Variants in BCAS4 observed in about 807,000 individuals in gnomAD.
BCAS4 encodes the protein breast carcinoma amplified sequence 4.
BCAS4 carries 9 observed loss-of-function variants against 15.7 expected under a neutral mutation model. The ratio of observed to expected loss-of-function variants is 0.57; its 90% CI spans 0.34 to 1.00. The LOEUF (loss-of-function observed/expected upper bound fraction) is 1.00. BCAS4 is among the 50% of genes least tolerant of loss of function. The probability of loss-of-function intolerance (pLI) is 0.02; values close to 1 mark genes in which losing one functional copy is unlikely to be tolerated. For synonymous variants in BCAS4, 101 were observed against 99.5 expected (o/e 1.02, Z -0.09); for missense variants, 225 against 239.1 (o/e 0.94, Z 0.39).
intron 3 of BCAS4, among the ~76,000 whole-genome samples, chr20:50,836,839 C>T (rs2123800186): frequency 1.3e-5 from 2 of 152,280 alleles, no homozygotes; most frequent in South Asian, 4.2e-4. Context: ...TCTCGAATAG[C>T]TGGGACTACA....
At position 50,876,706 on chromosome 20, in the gene BCAS4, T is replaced by C; in HGVS notation, c.*98T>C. On this transcript the variant is annotated 3_prime_UTR_variant, in exon 5 of 5. Coordinates refer to ENST00000371608, the MANE Select transcript of BCAS4 (RefSeq NM_198799.4). ...TTGTATTGCTGTTTATTTTATATTTTAAAAATATTTAAAAAAATGTCGAGA... is the reference window on the plus strand; with the variant it reads ...TTGTATTGCTGTTTATTTTATATTTCAAAAATATTTAAAAAAATGTCGAGA... 1 of 1,337,594 alleles carries C rather than the reference T, an allele frequency of 7.5e-7. No individual in the cohort carries two copies. Among genetic ancestry groups the C allele is most frequent in the East Asian group, 2.8e-5 (1 of 35,610 alleles). The allele number at this position is 1,337,594 out of a possible 1,614,324, so 82.9% of individuals were successfully genotyped here.
chr20:50,848,656 TCTG>T (rs1460752951), intron 4 of BCAS4, among the ~76,000 whole-genome samples: 1 of 152,228 alleles, frequency 6.6e-6, no homozygotes, highest in African/African-American at 2.4e-5. Context: ...CGTTCTCTGC[TCTG>T]AGCTCAGGCT....
intron 1 of BCAS4, among the ~76,000 whole-genome samples, chr20:50,811,899 A>G (rs2088068327): frequency 6.6e-6 from 1 of 152,180 alleles, no homozygotes; most frequent in Non-Finnish European, 1.5e-5. Flanking sequence ...TTGGGATTAC[A>G]GGCATGAGCC....
At chr20:50,857,035 G>T (rs1235906639) in intron 4 of BCAS4, among the ~76,000 whole-genome samples, 1 of 152,206 alleles carries the variant, frequency 6.6e-6, no homozygotes, top group Non-Finnish European at 1.5e-5. Flanking sequence ...AACATTGTAC[G>T]TTTGTGCTGT....
intron 3 of BCAS4, among the ~76,000 whole-genome samples, chr20:50,839,889 C>T (rs2088455694): frequency 6.6e-6 from 1 of 152,214 alleles, no homozygotes; most frequent in Non-Finnish European, 1.5e-5. Flanking sequence ...CCAAAAGGCA[C>T]ACAAGTAACT....
intron 4 of BCAS4, among the ~76,000 whole-genome samples, chr20:50,875,006 CG>C (rs920376609): frequency 6.6e-5 from 10 of 152,144 alleles, no homozygotes; most frequent in African/African-American, 2.4e-4. Flanking sequence ...TCATCTCCAC[CG>C]GCTCCAACCA....
intron 1 of BCAS4, among the ~76,000 whole-genome samples, chr20:50,812,004 A>G (rs1216541258): frequency 6.6e-6 from 1 of 152,218 alleles, no homozygotes; most frequent in East Asian, 1.9e-4. Context: ...GTTTTCAAGG[A>G]TCATCCATGT....
chr20:50,828,601 G>A (rs1156653371), intron 2 of BCAS4, among the ~76,000 whole-genome samples: 1 of 152,172 alleles, frequency 6.6e-6, no homozygotes. Flanking sequence ...CCAACGTGGT[G>A]AAACCCCGTC....
rs148758071 is a variant in BCAS4, at chr20:50,864,717, G to T, written c.400-11769G>T. Among the ~76,000 whole-genome samples, 1,389 of 151,966 alleles carry T rather than the reference G, an allele frequency of 9.1e-3. 27 individuals are homozygous for T. Among genetic ancestry groups the T allele is most frequent in the African/African-American group, 0.032 (1,308 of 41,468 alleles). ...CTCGGCCTCTCAAAGTAGCATTATT[G>T]ATACCATTTAACAGCAATTGTTGTC... On this transcript the variant is annotated intron_variant, in intron 4 of 4. Coordinates refer to ENST00000371608, the MANE Select transcript of BCAS4 (RefSeq NM_198799.4).
intron 4 of BCAS4, among the ~76,000 whole-genome samples, chr20:50,863,825 C>G (rs2123839852): frequency 6.6e-6 from 1 of 152,264 alleles, no homozygotes; most frequent in Middle Eastern, 3.4e-3. Flanking sequence ...ACCCCTGAAC[C>G]CAGCGAGGCC....
chr20:50,824,909 C>CT (rs1027599242), intron 2 of BCAS4, among the ~76,000 whole-genome samples: 3 of 152,070 alleles, frequency 2.0e-5, no homozygotes, highest in Non-Finnish European at 2.9e-5. Flanking sequence ...TTTGGTTTTA[C>CT]TTTTTTTGTT....
At chr20:50,814,849 T>C (rs970492090) in intron 1 of BCAS4, among the ~76,000 whole-genome samples, 3 of 152,162 alleles carry the variant, frequency 2.0e-5, no homozygotes, top group Non-Finnish European at 4.4e-5. Context: ...GGCTCATGCC[T>C]ATAATATCAG....
intron 4 of BCAS4, among the ~76,000 whole-genome samples, chr20:50,857,034 C>G (rs971573743): frequency 6.6e-6 from 1 of 152,214 alleles, no homozygotes; most frequent in South Asian, 2.1e-4. Flanking sequence ...TAACATTGTA[C>G]GTTTGTGCTG....
intron 4 of BCAS4, among the ~76,000 whole-genome samples, chr20:50,844,298 AT>A (rs1568673630): frequency 6.7e-6 from 1 of 150,348 alleles, no homozygotes; most frequent in African/African-American, 2.5e-5. Flanking sequence ...TCCAAGTGTG[AT>A]GGCATGCACC....
In BCAS4 at chr20:50,868,916, G is replaced by A. The variant is rs193270247; in HGVS notation, c.400-7570G>A. Among the ~76,000 whole-genome samples, 214 of 152,302 alleles carry A rather than the reference G, an allele frequency of 1.4e-3. 1 individual carries two copies. Among genetic ancestry groups the A allele is most frequent in the African/African-American group, 4.8e-3 (201 of 41,558 alleles). On this transcript the variant is annotated intron_variant, in intron 4 of 4. Coordinates refer to ENST00000371608, the MANE Select transcript of BCAS4 (RefSeq NM_198799.4). ...GTGACAAGAAGTACTAAGGTGGCCC[G>A]TTGAGCTGACAGGGCGTCTCAAGGA...
intron 4 of BCAS4, chr20:50,875,950 C>T: frequency 2.2e-6 from 1 of 456,172 alleles, no homozygotes; most frequent in South Asian, 1.5e-5. Context: ...ATCTGCCTGG[C>T]TTTTTCTTTT....
At chr20:50,823,952 A>G (rs1346704674) in intron 2 of BCAS4, among the ~76,000 whole-genome samples, 1 of 152,158 alleles carries the variant, frequency 6.6e-6, no homozygotes, top group Non-Finnish European at 1.5e-5. Flanking sequence ...CACCCAGTTA[A>G]AGATCGTTGC....
rs193117587 is a variant in BCAS4 at position 50,852,716 on chromosome 20, T to C, written c.399+10816T>C. Among the ~76,000 whole-genome samples, 13 of 152,318 alleles carry C rather than the reference T, an allele frequency of 8.5e-5. No homozygotes were observed. The East Asian group carries it at 2.5e-3, about 29-fold the overall frequency. On this transcript the variant is annotated intron_variant, in intron 4 of 4. Transcript: ENST00000371608. ...CACATTTTAAAAGAGCGGATGCAGA[T>C]TTTCTGTGAAATCAACTGATTTTGA...
intron 1 of BCAS4, among the ~76,000 whole-genome samples, chr20:50,812,366 G>A (rs367734797): frequency 3.4e-5 from 5 of 148,968 alleles, no homozygotes; most frequent in African/African-American, 7.5e-5. Flanking sequence ...ATCTCCTGAC[G>A]TTGTGATCCG....
Sources: allele counts gnomAD v4.1 joint callset (sites outside exome capture counted in the v4.1 genomes callset), GRCh38; gene constraint gnomAD v4.1.1; transcripts MANE v1.5; gene names NCBI Gene and HGNC (gene_info 2026-07-23, HGNC 2026-07-21).